The following INPP4A variants were observed in gnomAD, a reference collection of about 807,000 sequenced individuals.
The protein encoded by INPP4A is inositol polyphosphate-4-phosphatase, type I, 107kD.
Under a neutral mutation model 119.8 loss-of-function variants are expected in INPP4A, and 33 were observed. The observed-to-expected ratio is 0.28, with a 90% CI of 0.21 to 0.37. The LOEUF is 0.37. INPP4A is among the 10% of genes least tolerant of loss of function. The pLI is 1.00. For synonymous variants in INPP4A, 496 were observed against 500.7 expected (o/e 0.99, Z 0.12); for missense variants, 956 against 1,289.9 (o/e 0.74, Z 3.97).
chr2:98,512,964 A>G (rs1001924518), intron 1 of INPP4A, among the ~76,000 whole-genome samples: 1 of 152,096 alleles, frequency 6.6e-6, no homozygotes, highest in African/African-American at 2.4e-5. Context: ...TTTGTATTTT[A>G]TGCTAGAGAA....
rs774321397 is a variant in INPP4A at position 98,555,779 on chromosome 2, C to T, written c.1793C>T (p.Ser598Phe). The change falls in exon 16 of 25, where the codon TCC becomes TTC. Residue 598 changes from serine to phenylalanine, a missense_variant. By Grantham distance (155) the Ser-to-Phe change is radical. Around this residue, in one of 2 missense-constraint regions of INPP4A, gnomAD observed 652 missense variants for 797.9 expected, o/e 0.82. Coordinates refer to ENST00000409851, the MANE Select transcript of INPP4A (RefSeq NM_001134225.2). ...PSSPCPSTMP[S>F]TACHPHLTTH... ...TCACCATGCCCCTCCACCATGCCCT[C>T]CACTGCATGCCATCCTCATCTGACC... 1.3e-5 allele frequency: 20 copies of T among 1,571,720 alleles called. No homozygotes were observed. Among genetic ancestry groups the T allele is most frequent in the Non-Finnish European group, 1.6e-5 (18 of 1,158,062 alleles).
intron 17 of INPP4A, 54 bp from the exon 18 acceptor site, chr2:98,563,411 C>T: frequency 2.0e-6 from 3 of 1,532,008 alleles, no homozygotes; most frequent in Non-Finnish European, 2.7e-6. Flanking sequence ...ATTGCCAGAA[C>T]CTAATTCTTA....
intron 4 of INPP4A, among the ~76,000 whole-genome samples, chr2:98,522,822 T>A (rs948134970): frequency 3.3e-5 from 5 of 151,686 alleles, no homozygotes; most frequent in Admixed American, 2.0e-4. Context: ...TGGCATGGAA[T>A]GTCTCAGTGA....
chr2:98,578,100 C>G (rs1203694676), intron 24 of INPP4A, among the ~76,000 whole-genome samples: 1 of 152,130 alleles, frequency 6.6e-6, no homozygotes, highest in Admixed American at 6.5e-5. Context: ...TTTGTCTTTC[C>G]AAGTTCATCT....
At chr2:98,583,236 T>C (rs1699580987) in intron 24 of INPP4A, among the ~76,000 whole-genome samples, 1 of 152,232 alleles carries the variant, frequency 6.6e-6, no homozygotes, top group African/African-American at 2.4e-5. Context: ...TAAAAAATGG[T>C]ATCTTTAATT....
chr2:98,489,825 T>C (rs1206380874), intron 1 of INPP4A, among the ~76,000 whole-genome samples: 1 of 151,980 alleles, frequency 6.6e-6, no homozygotes. Context: ...GTTTTTGTCC[T>C]TGAATCATGT....
intron 1 of INPP4A, among the ~76,000 whole-genome samples, chr2:98,497,536 T>C (rs577576589): frequency 6.6e-6 from 1 of 152,356 alleles, no homozygotes; most frequent in Non-Finnish European, 1.5e-5. Context: ...CTGCTGGCCA[T>C]TTGCACATCT....
chr2:98,489,060 A>G (rs1294876759), intron 1 of INPP4A, among the ~76,000 whole-genome samples: 1 of 150,732 alleles, frequency 6.6e-6, no homozygotes. Flanking sequence ...CTGTGGGGTG[A>G]TGATGGGAAT....
intron 11 of INPP4A, among the ~76,000 whole-genome samples, chr2:98,545,760 A>C (rs1692365008): frequency 6.6e-6 from 1 of 152,184 alleles, no homozygotes; most frequent in Admixed American, 6.5e-5. Flanking sequence ...ACCCAGAACC[A>C]GCTCTCCTGA....
chr2:98,555,554 A>G lies in INPP4A; in HGVS notation c.1568A>G (p.Glu523Gly). The change falls in exon 16 of 25, where the codon GAG becomes GGG. Residue 523 changes from glutamate to glycine, a missense_variant and splice_region_variant. By Grantham distance (98) the Glu-to-Gly change is moderately conservative. Around this residue, in one of 2 missense-constraint regions of INPP4A, gnomAD observed 652 missense variants for 797.9 expected, o/e 0.82. Transcript: ENST00000409851. The part of the protein sequence containing the change: ...LQVDWHEEEW[E>G]KVWLNVDKSL... Reference sequence around the variant, plus strand: ...ACATGGGCCCCTTTGATTTGGAAGGAGAAAGTGTGGCTGAACGTGGACAAG... The same window carrying G: ...ACATGGGCCCCTTTGATTTGGAAGGGGAAAGTGTGGCTGAACGTGGACAAG... The G allele has an allele frequency of 1.3e-6, 2 of 1,595,538 alleles. No individual in the cohort carries two copies. Among genetic ancestry groups the G allele is most frequent in the African/African-American group, 1.3e-5 (1 of 74,720 alleles).
In INPP4A at chr2:98,483,744, C is replaced by T. The variant is rs1678972322; in HGVS notation, c.-165-35220C>T. ...CCTTTCTCTTCCTGTCCCTACCCCACCTTCCTGTTGGCTACTCTGCTCCCA... is the reference window on the plus strand; with the variant it reads ...CCTTTCTCTTCCTGTCCCTACCCCATCTTCCTGTTGGCTACTCTGCTCCCA... On this transcript the variant is annotated intron_variant, in intron 1 of 24. Coordinates refer to ENST00000409851, the MANE Select transcript of INPP4A (RefSeq NM_001134225.2). 2.0e-5 allele frequency among the ~76,000 whole-genome samples: 3 copies of T among 152,184 alleles called. No homozygotes were observed. In the South Asian group the frequency reaches 6.2e-4, roughly 31 times the overall value.
At chr2:98,581,591 G>A in intron 24 of INPP4A, 3 of 1,549,170 alleles carry the variant, frequency 1.9e-6, no homozygotes, top group African/African-American at 2.7e-5. Flanking sequence ...GAACACGGGA[G>A]GTAGTCACCC....
At chr2:98,536,312 C>A in intron 7 of INPP4A, 104 bp downstream of exon 7, 1 of 720,824 alleles carries the variant, frequency 1.4e-6, no homozygotes, top group Non-Finnish European at 2.5e-6. Flanking sequence ...CCCTTCCCTT[C>A]CCAGAAGCCA....
intron 4 of INPP4A, among the ~76,000 whole-genome samples, chr2:98,529,630 G>C (rs1688831531): frequency 6.6e-6 from 1 of 152,100 alleles, no homozygotes; most frequent in Non-Finnish European, 1.5e-5. Context: ...CAGCTACTCG[G>C]GAGGCTGAGG....
At chr2:98,454,146 C>A (rs1193185673) in intron 1 of INPP4A, among the ~76,000 whole-genome samples, 1 of 152,102 alleles carries the variant, frequency 6.6e-6, no homozygotes, top group Non-Finnish European at 1.5e-5. Context: ...GGGTCCTTTA[C>A]CTAACAGGTG....
chr2:98,453,844 A>G (rs1359656855), intron 1 of INPP4A, among the ~76,000 whole-genome samples: 5 of 152,176 alleles, frequency 3.3e-5, no homozygotes, highest in African/African-American at 1.2e-4. Flanking sequence ...CTGCACAGCC[A>G]CACTGACAGA....
intron 1 of INPP4A, among the ~76,000 whole-genome samples, chr2:98,465,364 C>T (rs750691263): frequency 6.6e-6 from 1 of 152,174 alleles, no homozygotes; most frequent in African/African-American, 2.4e-5. Flanking sequence ...CTCTTCTCTC[C>T]GAAATCTCCT....
At position 98,588,451 on chromosome 2, in the gene INPP4A, G is replaced by A. The variant is rs1035845926; in HGVS notation, c.*843G>A. 1 of 206,382 alleles carries A rather than the reference G, an allele frequency of 4.8e-6. No individual in the cohort carries two copies. The highest frequency in any genetic ancestry group is 6.0e-5 in the Admixed American group (1 of 16,798). The allele number at this position is 206,382 out of a possible 1,614,324, so 12.8% of individuals were successfully genotyped here. ...GATGTGGCATGTCAACACTCCCATG[G>A]GGAATTTATGACCATAGAGATAGTA... On this transcript the variant is annotated 3_prime_UTR_variant, in exon 25 of 25. Coordinates refer to ENST00000409851, the MANE Select transcript of INPP4A (RefSeq NM_001134225.2).
At chr2:98,534,432 G>A (rs1366299736) in intron 5 of INPP4A, among the ~76,000 whole-genome samples, 1 of 152,210 alleles carries the variant, frequency 6.6e-6, no homozygotes, top group Non-Finnish European at 1.5e-5. Context: ...GTCAGAGCAG[G>A]CTTCCTAGGG....
Sources: gnomAD v4.1 joint callset for allele counts (sites outside exome capture counted in the v4.1 genomes callset) on GRCh38, gnomAD v4.1.1 for gene constraint, gnomAD v4.1.1 regional missense constraint, MANE v1.5 for transcripts, NCBI Gene and HGNC (gene_info 2026-07-23, HGNC 2026-07-21) for gene names.